ZRANB3: variants seen among roughly 807,000 people sequenced by gnomAD.
ZRANB3 encodes the protein zinc finger RANBP2-type containing 3, also known as DNA annealing helicase and endonuclease ZRANB3.
In ZRANB3, 125 loss-of-function variants were observed where a neutral mutation model predicts 133.8. The ratio of observed to expected loss-of-function variants is 0.93; its 90% CI spans 0.81 to 1.08. ZRANB3 has a LOEUF of 1.08. Ranked by LOEUF, ZRANB3 falls within the 50% of genes least tolerant of loss-of-function variation. The pLI is 0.00. For missense variants in ZRANB3, 1,229 were observed against 1,275.5 expected, an observed-to-expected ratio of 0.96 and a Z score of 0.56; for synonymous variants, 387 against 432.7, an observed-to-expected ratio of 0.89 and a Z score of 1.31.
rs1229502548 is a variant in ZRANB3, at chr2:135,488,035, TC to T, written c.161+16293del. Among the ~76,000 whole-genome samples, 3 of 152,306 alleles carry T rather than the reference TC, an allele frequency of 2.0e-5. No homozygotes were observed. The East Asian group carries it at 5.8e-4, about 29-fold the overall frequency. ...TTTAAAGTGAGAGATGTATGATCTT[TC>T]CTTCTACTTGAACACTTACAGCCCA... On this transcript the variant is annotated intron_variant, in intron 2 of 20. Coordinates refer to ENST00000264159, the MANE Select transcript of ZRANB3 (RefSeq NM_032143.4).
intron 2 of ZRANB3, among the ~76,000 whole-genome samples, chr2:135,410,731 A>G (rs1023200921): frequency 2.0e-5 from 3 of 152,136 alleles, no homozygotes; most frequent in Non-Finnish European, 4.4e-5. Context: ...AAAAAGGACT[A>G]ATATCTAGAC....
intron 1 of ZRANB3, chr2:135,530,717 G>A (rs1694525629): frequency 6.6e-6 from 1 of 152,258 alleles, no homozygotes; most frequent in South Asian, 2.1e-4. Context: ...TCTCCCGTTA[G>A]GGTTGCGAAA....
chr2:135,224,486 C>T lies in ZRANB3; in HGVS notation c.2190G>A (p.Val730=). Residue 730 remains valine, a synonymous_variant, in exon 15 of 21, where the codon GTG becomes GTA. Transcript: ENST00000264159. ...EQWKSSDTLP[V]YDTLMFCASR... is the part of the protein sequence containing the mutation. Reference sequence around the variant, plus strand: ...TTGCACAGAACATTAAGGTGTCATACACTGGCAAAGTGTCTGAACTCTTCC... The same window carrying T: ...TTGCACAGAACATTAAGGTGTCATATACTGGCAAAGTGTCTGAACTCTTCC... 6.2e-7 allele frequency: 1 copy of T among 1,613,298 alleles called. No homozygotes were observed. The highest frequency in any genetic ancestry group is 1.1e-5 in the South Asian group (1 of 90,952).
At chr2:135,506,749 C>T (rs1429836293) in intron 1 of ZRANB3, among the ~76,000 whole-genome samples, 2 of 152,112 alleles carry the variant, frequency 1.3e-5, no homozygotes, top group East Asian at 1.9e-4. Flanking sequence ...GGGAATGACA[C>T]AATCTGACTT....
chr2:135,302,666 C>T (rs1029191315), intron 8 of ZRANB3, among the ~76,000 whole-genome samples: 2 of 151,968 alleles, frequency 1.3e-5, no homozygotes, highest in Non-Finnish European at 2.9e-5. Context: ...CCTGGGACTA[C>T]AGGCACGCAC....
chr2:135,227,759 G>A (rs1164632782), intron 14 of ZRANB3, 53 bp downstream of exon 14: 11 of 1,494,304 alleles, frequency 7.4e-6, no homozygotes. Flanking sequence ...ACAGTATTAT[G>A]TGTGAAAGTA....
chr2:135,399,240 C>G (rs1255707015), intron 2 of ZRANB3, among the ~76,000 whole-genome samples: 1 of 152,168 alleles, frequency 6.6e-6, no homozygotes, highest in East Asian at 1.9e-4. Context: ...ACCTCTGGAC[C>G]TGCTTTCTTA....
At position 135,279,953 on chromosome 2, in the gene ZRANB3, A is replaced by AT. The variant is rs1558882892; in HGVS notation, c.967-4199dup. ...GGTTCTTAAGATGGGGATTACATAG[A>AT]TTTTCATTTTAAAATGTACTATGCA... On this transcript the variant is annotated intron_variant, in intron 8 of 20. Coordinates refer to ENST00000264159, the MANE Select transcript of ZRANB3 (RefSeq NM_032143.4). Among the ~76,000 whole-genome samples, 4 of 152,296 alleles carry AT rather than the reference A, an allele frequency of 2.6e-5. No individual in the cohort carries two copies. The South Asian group carries it at 8.3e-4, about 32-fold the overall frequency.
At chr2:135,462,205 T>C (rs1690792940) in intron 2 of ZRANB3, among the ~76,000 whole-genome samples, 2 of 152,314 alleles carry the variant, frequency 1.3e-5, no homozygotes, top group Admixed American at 1.3e-4. Context: ...ATAAAGGCAC[T>C]GATGGACACT....
intron 2 of ZRANB3, among the ~76,000 whole-genome samples, chr2:135,443,447 G>A (rs1020499079): frequency 6.6e-6 from 1 of 151,868 alleles, no homozygotes; most frequent in Non-Finnish European, 1.5e-5. Flanking sequence ...ATGAGTTGAT[G>A]GGTGCAGCAA....
intron 12 of ZRANB3, chr2:135,238,832 T>C (rs868445911): frequency 6.6e-6 from 1 of 152,280 alleles, no homozygotes; most frequent in African/African-American, 2.4e-5. Flanking sequence ...GGTGTTCCAG[T>C]TGACAGCCCC....
At position 135,469,138 on chromosome 2, in the gene ZRANB3, CACTG is replaced by C. The variant is rs375472473; in HGVS notation, c.161+35187_161+35190del. On this transcript the variant is annotated intron_variant, in intron 2 of 20. Coordinates refer to ENST00000264159, the MANE Select transcript of ZRANB3 (RefSeq NM_032143.4). Reference sequence around the variant, plus strand: ...GACCCTGCTGATCAAATTAAGTTTCCACTGACTAAGAAAAGGTTCAGAAAGATTT... The same window carrying C: ...GACCCTGCTGATCAAATTAAGTTTCCACTAAGAAAAGGTTCAGAAAGATTT... Among the ~76,000 whole-genome samples, 63 of 152,136 alleles carry C rather than the reference CACTG, an allele frequency of 4.1e-4. No individual in the cohort carries two copies. The East Asian group carries it at 0.011, about 27-fold the overall frequency.
At chr2:135,455,171 C>CA (rs1690448076) in intron 2 of ZRANB3, among the ~76,000 whole-genome samples, 1 of 37,558 alleles carries the variant, frequency 2.7e-5, no homozygotes, top group African/African-American at 9.5e-5. Flanking sequence ...CCTTCTTATA[C>CA]TTTTTTTTTT....
intron 9 of ZRANB3, 48 bp from the exon 10 acceptor site, chr2:135,271,935 C>T (rs1386847996): frequency 1.3e-6 from 2 of 1,524,624 alleles, no homozygotes; most frequent in African/African-American, 2.8e-5. Flanking sequence ...GCCCTATGTA[C>T]CCATCTCATT....
intron 1 of ZRANB3, chr2:135,511,351 G>C (rs1693444132): frequency 1.2e-6 from 1 of 828,408 alleles, no homozygotes; most frequent in African/African-American, 1.7e-5. Flanking sequence ...TCTGGCTCAG[G>C]ATCAGGCTCC....
intron 8 of ZRANB3, among the ~76,000 whole-genome samples, chr2:135,282,585 G>A (rs1411184884): frequency 6.6e-6 from 1 of 152,130 alleles, no homozygotes; most frequent in Non-Finnish European, 1.5e-5. Context: ...ATCTCAAGGA[G>A]TATTTTACTT....
At chr2:135,324,202 G>C (rs1683684033) in intron 6 of ZRANB3, among the ~76,000 whole-genome samples, 1 of 151,646 alleles carries the variant, frequency 6.6e-6, no homozygotes, top group Non-Finnish European at 1.5e-5. Context: ...TTTAACATTA[G>C]GTATATCTCC....
intron 6 of ZRANB3, among the ~76,000 whole-genome samples, chr2:135,328,115 T>C (rs1332585104): frequency 6.6e-6 from 1 of 152,044 alleles, no homozygotes; most frequent in African/African-American, 2.4e-5. Flanking sequence ...GTGCACAACA[T>C]GCAGGTTTGT....
At position 135,454,200 on chromosome 2, in the gene ZRANB3, T is replaced by A. The variant is rs540522169; in HGVS notation, c.161+50129A>T. 2.2e-4 allele frequency among the ~76,000 whole-genome samples: 33 copies of A among 152,260 alleles called. No homozygotes were observed. In the South Asian group the frequency reaches 5.8e-3, roughly 27 times the overall value. ...CACTGGGTCCCTTCCAGGAAGAACATGTGTTAATAGGAAATATTGGTGCAG... is the reference window on the plus strand; with the variant it reads ...CACTGGGTCCCTTCCAGGAAGAACAAGTGTTAATAGGAAATATTGGTGCAG... On this transcript the variant is annotated intron_variant, in intron 2 of 20. Transcript: ENST00000264159.
Sources: gnomAD v4.1 joint callset for allele counts (sites outside exome capture counted in the v4.1 genomes callset) on GRCh38, gnomAD v4.1.1 for gene constraint, MANE v1.5 for transcripts, NCBI Gene and HGNC (gene_info 2026-07-23, HGNC 2026-07-21) for gene names.